SMARCC2: variants seen among roughly 807,000 people sequenced by gnomAD.
SMARCC2 encodes the protein SWI/SNF related BAF chromatin remodeling complex subunit C2.
SMARCC2 carries 15 observed loss-of-function variants against 151.3 expected under a neutral mutation model. The observed-to-expected ratio is 0.10, with a 90% confidence interval of 0.07 to 0.15. The LOEUF (loss-of-function observed/expected upper bound fraction) is 0.15. SMARCC2 is among the 10% of genes least tolerant of loss of function. The pLI, the probability that SMARCC2 is intolerant of heterozygous loss-of-function variation, is 1.00. For missense variants in SMARCC2, 1,031 were observed against 1,599.7 expected (o/e 0.64, Z 6.06); for synonymous variants, 590 against 609.5 (o/e 0.97, Z 0.47).
In SMARCC2 at chr12:56,189,354, C is replaced by A; in HGVS notation, c.108G>T (p.Lys36Asn). Residue 36 changes from lysine (K) to asparagine (N), a missense_variant, in exon 1 of 29, where the codon AAG becomes AAT. This residue lies in a region of SMARCC2 where 50 missense variants were observed against 52.4 expected (regional missense o/e 0.95). Transcript: ENST00000550164. The part of the protein sequence containing the change: ...NVRLWLGKNY[K>N]KYIQAEPPTN... ...CGGCCCGGCCCGGCCCGCGTACCTT[C>A]TTGTAGTTCTTGCCGAGCCACAGCC... The A allele has an allele frequency of 6.6e-7, 1 of 1,518,932 alleles. No individual in the cohort carries two copies. Among genetic ancestry groups the A allele is most frequent in the Non-Finnish European group, 8.9e-7 (1 of 1,125,902 alleles). The allele number at this position is 1,518,932 out of a possible 1,614,324, so 94.1% of individuals were successfully genotyped here.
intron 28 of SMARCC2, 104 bp from the exon 29 acceptor site, chr12:56,163,869 G>C (rs532668034): frequency 1.9e-5 from 13 of 692,338 alleles, no homozygotes; most frequent in Non-Finnish European, 1.2e-5. Context: ...GCAGTGGCTG[G>C]GTGGATGAAT....
At position 56,165,315 on chromosome 12, in the gene SMARCC2, T is replaced by C. The variant is rs1234613290; in HGVS notation, c.3232+3A>G. 2 of 1,488,872 alleles carry C rather than the reference T, an allele frequency of 1.3e-6. No homozygotes were observed. The highest frequency in any genetic ancestry group is 1.4e-5 in the African/African-American group (1 of 70,714). 92.2% of individuals were successfully genotyped at this position (1,488,872 alleles called of 1,614,324 possible). On this transcript the variant is annotated splice_donor_region_variant and intron_variant, in intron 27 of 28. Coordinates refer to ENST00000550164, the MANE Select transcript of SMARCC2 (RefSeq NM_001330288.2). The stretch of plus-strand genomic sequence containing the variant: ...AACAAAAGTTCTGGAACATAACACT[T>C]ACCATGGGGTCCAGGGGGGGGAACC...
chr12:56,174,585 G>T, intron 16 of SMARCC2, 66 bp downstream of exon 16: 2 of 1,031,132 alleles, frequency 1.9e-6, no homozygotes, highest in Non-Finnish European at 3.1e-6. Context: ...CATCTCTACT[G>T]TTGCCAAAAC....
intron 11 of SMARCC2, among the ~76,000 whole-genome samples, chr12:56,179,705 G>A (rs1875744012): frequency 6.6e-6 from 1 of 152,172 alleles, no homozygotes; most frequent in Admixed American, 6.5e-5. Flanking sequence ...TTGTTTTTTT[G>A]AGACGGAGTC....
intron 15 of SMARCC2, 58 bp downstream of exon 15, chr12:56,177,964 G>A (rs1182706438): frequency 1.9e-5 from 22 of 1,151,768 alleles, no homozygotes; most frequent in Non-Finnish European, 2.7e-5. Flanking sequence ...ACTGGATCAG[G>A]AAGGGTGAAT....
intron 2 of SMARCC2, 73 bp from the exon 3 acceptor site, chr12:56,186,313 A>C: frequency 1.1e-6 from 1 of 937,480 alleles, no homozygotes. Flanking sequence ...ATAATCTAAT[A>C]ATCCTTTCAC....
intron 13 of SMARCC2, 99 bp downstream of exon 13, chr12:56,178,711 T>A: frequency 6.8e-7 from 1 of 1,465,192 alleles, no homozygotes; most frequent in Non-Finnish European, 9.6e-7. Context: ...TAGTCTACAG[T>A]GGGTAAAGTC....
chr12:56,172,932 C>T lies in SMARCC2; in HGVS notation c.1743+5G>A. The T allele has an allele frequency of 6.2e-7, 1 of 1,612,890 alleles. No homozygotes were observed. Among genetic ancestry groups the T allele is most frequent in the South Asian group, 1.1e-5 (1 of 91,088 alleles). On this transcript the variant is annotated splice_donor_5th_base_variant and intron_variant, in intron 18 of 28. Transcript: ENST00000550164. ...GCAGCCCAGCAGGGTCTGCACCCCA[C>T]CTACCAGCTCTGGCTTGCCCTTAGC...
intron 14 of SMARCC2, 102 bp from the exon 15 acceptor site, chr12:56,178,195 A>T: frequency 9.5e-7 from 1 of 1,051,822 alleles, no homozygotes; most frequent in Non-Finnish European, 1.4e-6. Flanking sequence ...AAAGAGCTCG[A>T]AATTGCTGAA....
chr12:56,181,891 T>A lies in SMARCC2; in HGVS notation c.709-56A>T, dbSNP rs577644860. 3.7e-6 allele frequency: 6 copies of A among 1,611,416 alleles called. No individual in the cohort carries two copies. The African/African-American group carries it at 8.0e-5, about 22-fold the overall frequency. On this transcript the variant is annotated intron_variant, in intron 8 of 28. Transcript: ENST00000550164. The stretch of plus-strand genomic sequence containing the variant: ...GAAGCCTGGAAGCCACAGCTCTGTC[T>A]GGGGACCCTTAACAGAAAAAGCTCA...
intron 14 of SMARCC2, 144 bp from the exon 15 acceptor site, chr12:56,178,237 T>C (rs1289081633): frequency 6.5e-6 from 6 of 929,652 alleles, no homozygotes; most frequent in Non-Finnish European, 6.7e-6. Flanking sequence ...TCCCACAGGC[T>C]GTAAGACTCA....
At chr12:56,188,171 G>A (rs1257769098) in intron 1 of SMARCC2, among the ~76,000 whole-genome samples, 1 of 152,230 alleles carries the variant, frequency 6.6e-6, no homozygotes, top group Non-Finnish European at 1.5e-5. Context: ...GGTCACAACT[G>A]TCAATTCCCC....
intron 15 of SMARCC2, among the ~76,000 whole-genome samples, chr12:56,176,277 G>A (rs1212957525): frequency 1.3e-5 from 2 of 152,216 alleles, no homozygotes; most frequent in Non-Finnish European, 2.9e-5. Flanking sequence ...TCCAGGAAGA[G>A]AAGGAAGAGA....
intron 1 of SMARCC2, among the ~76,000 whole-genome samples, chr12:56,189,096 C>A (rs1877847091): frequency 6.7e-6 from 1 of 149,228 alleles, no homozygotes; most frequent in Admixed American, 6.7e-5. Flanking sequence ...CACCGGGGCC[C>A]GCCGGGCAGT....
intron 1 of SMARCC2, among the ~76,000 whole-genome samples, chr12:56,188,445 G>C (rs973528887): frequency 1.3e-5 from 2 of 152,200 alleles, no homozygotes; most frequent in African/African-American, 2.4e-5. Flanking sequence ...AAGCCATAAA[G>C]AGAATCCCTC....
intron 25 of SMARCC2, 54 bp downstream of exon 25, chr12:56,169,475 G>A: frequency 6.4e-7 from 1 of 1,566,060 alleles, no homozygotes. Flanking sequence ...TAAGTGAGAT[G>A]AGATTAGAGA....
rs1279906696 is a variant in SMARCC2 at position 56,181,694 on chromosome 12, G to T, written c.840+10C>A. On this transcript the variant is annotated intron_variant, in intron 9 of 28. Transcript: ENST00000550164. ...AAGGGCGCCAGGAAAAAAAGAACAG[G>T]ATTTGTCACCTCATCTGTCAGTGTC... 6.2e-7 allele frequency: 1 copy of T among 1,614,148 alleles called. No individual in the cohort carries two copies.
chr12:56,176,585 C>T (rs1018868009), intron 15 of SMARCC2, among the ~76,000 whole-genome samples: 23 of 151,730 alleles, frequency 1.5e-4, no homozygotes, highest in African/African-American at 5.1e-4. Flanking sequence ...TCATGCCATT[C>T]TCCTGCCTCA....
At position 56,171,478 on chromosome 12, in the gene SMARCC2, A is replaced by C; in HGVS notation, c.2186-46T>G. The C allele has an allele frequency of 6.2e-7, 1 of 1,610,620 alleles. No homozygotes were observed. Among genetic ancestry groups the C allele is most frequent in the South Asian group, 1.1e-5 (1 of 90,970 alleles). Reference sequence around the variant, plus strand: ...GAGGCTGGGAGCGGCACAGTGGAACAGTTCTGGCAATCCCTGCAAAAGCTT... The same window carrying C: ...GAGGCTGGGAGCGGCACAGTGGAACCGTTCTGGCAATCCCTGCAAAAGCTT... On this transcript the variant is annotated intron_variant, in intron 21 of 28. Transcript: ENST00000550164. This position sits in a 1 kb window ranked among gnomAD's most constrained non-coding sequence, Gnocchi z 4.2.
Sources: allele counts gnomAD v4.1 joint callset (sites outside exome capture counted in the v4.1 genomes callset), GRCh38; gene constraint gnomAD v4.1.1; regional missense constraint gnomAD v4.1.1; non-coding constraint Gnocchi (gnomAD v3.1); transcripts MANE v1.5; gene names NCBI Gene and HGNC (gene_info 2026-07-23, HGNC 2026-07-21).